Variants in RPH3A observed in about 807,000 individuals in gnomAD.
RPH3A encodes rabphilin 3A.
RPH3A carries 48 observed loss-of-function variants against 102.2 expected under a neutral mutation model. That is an observed-to-expected ratio of 0.47 (90% confidence interval 0.37 to 0.60). The LOEUF is 0.60. Ranked by LOEUF, RPH3A falls within the 20% of genes least tolerant of loss-of-function variation. RPH3A has a pLI of 0.00. For synonymous variants in RPH3A, 310 were observed against 324.3 expected (o/e 0.96, Z 0.47); for missense variants, 781 against 910.1 (o/e 0.86, Z 1.83).
intron 13 of RPH3A, among the ~76,000 whole-genome samples, chr12:112,877,126 T>C (rs1197458093): frequency 2.6e-5 from 4 of 152,186 alleles, no homozygotes. Flanking sequence ...ATGTAAATCA[T>C]TTTAAAGATT....
chr12:112,820,145 G>A (rs1464084564), intron 2 of RPH3A, among the ~76,000 whole-genome samples: 1 of 152,216 alleles, frequency 6.6e-6, no homozygotes, highest in Non-Finnish European at 1.5e-5. Flanking sequence ...CCTTTAGGGA[G>A]CAATGCTGGT....
At chr12:112,881,498 C>T (rs544697403) in intron 14 of RPH3A, among the ~76,000 whole-genome samples, 1 of 152,258 alleles carries the variant, frequency 6.6e-6, no homozygotes, top group South Asian at 2.1e-4. Context: ...TGTTCTTATC[C>T]CCATTTGACA....
intron 1 of RPH3A, among the ~76,000 whole-genome samples, chr12:112,691,005 C>A (rs530449540): frequency 2.6e-5 from 4 of 152,050 alleles, no homozygotes; most frequent in Admixed American, 6.5e-5. Flanking sequence ...ATCCCCCCCG[C>A]CCCCGCACTG....
intron 1 of RPH3A, among the ~76,000 whole-genome samples, chr12:112,670,907 C>T (rs886574438): frequency 1.6e-4 from 25 of 152,230 alleles, no homozygotes; most frequent in African/African-American, 6.0e-4. Flanking sequence ...CAAACCTCAC[C>T]TGTTGATGTG....
chr12:112,612,428 C>A (rs1239559548), intron 1 of RPH3A, among the ~76,000 whole-genome samples: 1 of 152,154 alleles, frequency 6.6e-6, no homozygotes, highest in East Asian at 1.9e-4. Context: ...TTGTTAGCAC[C>A]TCACATTTGC....
chr12:112,604,136 C>T (rs1397855057), intron 1 of RPH3A, among the ~76,000 whole-genome samples: 1 of 152,198 alleles, frequency 6.6e-6, no homozygotes, highest in African/African-American at 2.4e-5. Context: ...GTGATTTTCT[C>T]AAGAGCACAC....
At chr12:112,591,615 C>T (rs867746180) in intron 1 of RPH3A, 3 of 152,170 alleles carry the variant, frequency 2.0e-5, no homozygotes, top group Admixed American at 6.6e-5. Context: ...GATGCCATGC[C>T]GGGCTGTTCT....
intron 1 of RPH3A, among the ~76,000 whole-genome samples, chr12:112,611,369 G>C (rs1230843474): frequency 6.6e-6 from 1 of 152,172 alleles, no homozygotes; most frequent in Non-Finnish European, 1.5e-5. Flanking sequence ...ACTTCCCTAG[G>C]AAAGGTGCAA....
intron 8 of RPH3A, chr12:112,868,805 A>C: frequency 2.0e-6 from 1 of 492,852 alleles, no homozygotes; most frequent in Non-Finnish European, 3.5e-6. Flanking sequence ...AGCAATGCCA[A>C]GCCGCCCAGA....
intron 1 of RPH3A, among the ~76,000 whole-genome samples, chr12:112,674,533 G>T (rs1395444175): frequency 1.3e-5 from 2 of 152,144 alleles, no homozygotes; most frequent in Admixed American, 1.3e-4. Flanking sequence ...CTGAGTGGAG[G>T]CGGTTTGGGC....
intron 5 of RPH3A, among the ~76,000 whole-genome samples, chr12:112,854,397 G>C (rs1375441686): frequency 6.6e-6 from 1 of 152,242 alleles, no homozygotes; most frequent in Non-Finnish European, 1.5e-5. Flanking sequence ...TCATGTGCCA[G>C]CACTGTGCTC....
At position 112,765,246 on chromosome 12, in the gene RPH3A, T is replaced by TTGTGTGTG. The variant is rs34294777; in HGVS notation, c.-139-26865_-139-26858dup. ...AGGTGCAATGTTTCAGTCATGGTGA[T>TTGTGTGTG]TGTGTGTGTGTGTGTGTGTGTGTGT... On this transcript the variant is annotated intron_variant, in intron 1 of 21. Transcript: ENST00000543106. Among the ~76,000 whole-genome samples the TTGTGTGTG allele has an allele frequency of 5.5e-3, 773 of 141,742 alleles. 3 individuals are homozygous for TTGTGTGTG. Among genetic ancestry groups the TTGTGTGTG allele is most frequent in the African/African-American group, 0.018 (676 of 37,838 alleles). 93.0% of individuals were successfully genotyped at this position (141,742 alleles called of 152,430 possible). A position where few individuals can be genotyped will look rare whatever the true frequency, so the allele number is the denominator to read the frequency against.
intron 5 of RPH3A, among the ~76,000 whole-genome samples, chr12:112,849,172 T>G (rs751668231): frequency 5.9e-5 from 9 of 151,914 alleles, no homozygotes; most frequent in Admixed American, 2.0e-4. Context: ...GTGGATGCCT[T>G]TGATTTGAGC....
chr12:112,639,169 G>A (rs1422916696), intron 1 of RPH3A, among the ~76,000 whole-genome samples: 1 of 152,204 alleles, frequency 6.6e-6, no homozygotes, highest in Non-Finnish European at 1.5e-5. Flanking sequence ...CTGGCCTCAA[G>A]AGCAGGCAAG....
At chr12:112,889,280 G>A (rs2043052628) in intron 17 of RPH3A, among the ~76,000 whole-genome samples, 1 of 152,220 alleles carries the variant, frequency 6.6e-6, no homozygotes, top group Admixed American at 6.5e-5. Flanking sequence ...AACTCCGTGA[G>A]TCCAGTTGGC....
At chr12:112,725,079 T>C (rs1198049813) in intron 1 of RPH3A, among the ~76,000 whole-genome samples, 1 of 150,838 alleles carries the variant, frequency 6.6e-6, no homozygotes, top group African/African-American at 2.4e-5. Flanking sequence ...TGAAACCCCG[T>C]CTCTACTAAA....
chr12:112,751,084 T>C (rs755447018), intron 1 of RPH3A, among the ~76,000 whole-genome samples: 2 of 152,250 alleles, frequency 1.3e-5, no homozygotes, highest in Non-Finnish European at 2.9e-5. Flanking sequence ...ACACTTGGCC[T>C]TCCTTAGGAC....
chr12:112,636,766 A>G (rs1490936019), intron 1 of RPH3A, among the ~76,000 whole-genome samples: 12 of 152,152 alleles, frequency 7.9e-5, no homozygotes, highest in Admixed American at 5.9e-4. Context: ...AATTTGCCAT[A>G]TGATCACATT....
chr12:112,596,658 T>C (rs2039518955), intron 1 of RPH3A, among the ~76,000 whole-genome samples: 1 of 152,252 alleles, frequency 6.6e-6, no homozygotes, highest in African/African-American at 2.4e-5. Context: ...TCTGATAGTT[T>C]AAGTTTTCCA....
Sources: gnomAD v4.1 joint callset for allele counts (sites outside exome capture counted in the v4.1 genomes callset) on GRCh38, gnomAD v4.1.1 for gene constraint, MANE v1.5 for transcripts, NCBI Gene and HGNC (gene_info 2026-07-23, HGNC 2026-07-21) for gene names.